Variants in PSMA6 observed in about 807,000 individuals in gnomAD.
The protein encoded by PSMA6 is proteasome subunit alpha type-6.
For synonymous variants in PSMA6, 88 were observed against 97.7 expected (o/e 0.90, Z 0.59); for missense variants, 170 against 294.8 (o/e 0.58, Z 3.10).
chr14:35,285,725 G>T (rs2051415706), intron 1 of PSMA6, among the ~76,000 whole-genome samples: 1 of 152,244 alleles, frequency 6.6e-6, no homozygotes, highest in African/African-American at 2.4e-5. Context: ...AGCTGAGGGT[G>T]GGGGTGGGGA....
chr14:35,308,223 AC>A, intron 2 of PSMA6, 135 bp downstream of exon 2: 1 of 1,092,078 alleles, frequency 9.2e-7, no homozygotes. Flanking sequence ...GGAGTTCTAG[AC>A]CAGCGTGACC....
At chr14:35,312,225 G>A (rs2051957226) in intron 4 of PSMA6, among the ~76,000 whole-genome samples, 1 of 150,178 alleles carries the variant, frequency 6.7e-6, no homozygotes, top group South Asian at 2.1e-4. Flanking sequence ...AAAAAAGGTT[G>A]GCCAGATGCA....
At chr14:35,280,082 G>A (rs1466465714) in intron 1 of PSMA6, among the ~76,000 whole-genome samples, 2 of 150,394 alleles carry the variant, frequency 1.3e-5, no homozygotes, top group African/African-American at 2.4e-5. Flanking sequence ...CCGAGATCGC[G>A]CCACTACACT....
intron 1 of PSMA6, among the ~76,000 whole-genome samples, chr14:35,305,278 G>A (rs1275828439): frequency 6.6e-6 from 1 of 152,044 alleles, no homozygotes; most frequent in African/African-American, 2.4e-5. Flanking sequence ...AAGGAACTGG[G>A]ACCACAGGTG....
intron 2 of PSMA6, 22 bp from the exon 3 acceptor site, chr14:35,308,892 C>T (rs982528299): frequency 3.3e-6 from 5 of 1,532,990 alleles, no homozygotes; most frequent in Non-Finnish European, 4.5e-6. Context: ...AAAAAATTAT[C>T]TTTGTTTATT....
At chr14:35,280,112 C>G (rs1273272728) in intron 1 of PSMA6, among the ~76,000 whole-genome samples, 1 of 143,196 alleles carries the variant, frequency 7.0e-6, no homozygotes, top group African/African-American at 2.6e-5. Context: ...GCCTGGGCGA[C>G]AGAGCAAGAC....
At chr14:35,282,512 C>T (rs905661011) in intron 1 of PSMA6, among the ~76,000 whole-genome samples, 9 of 152,074 alleles carry the variant, frequency 5.9e-5, no homozygotes, top group African/African-American at 1.9e-4. Context: ...CCACTTATCT[C>T]GGCCTTCCAA....
chr14:35,279,849 G>A (rs2051345859), intron 1 of PSMA6, among the ~76,000 whole-genome samples: 1 of 152,262 alleles, frequency 6.6e-6, no homozygotes, highest in Admixed American at 6.5e-5. Flanking sequence ...TTCGGGCCGG[G>A]CGTGGTGGCT....
chr14:35,287,659 C>T (rs1447504433), upstream of PSMA6, among the ~76,000 whole-genome samples: 1 of 152,160 alleles, frequency 6.6e-6, no homozygotes, highest in Non-Finnish European at 1.5e-5. Context: ...CCAAGACTCA[C>T]GAGATGTCAA....
intron 1 of PSMA6, among the ~76,000 whole-genome samples, chr14:35,306,094 TG>T (rs1041836362): frequency 1.3e-5 from 2 of 151,574 alleles, no homozygotes; most frequent in African/African-American, 4.9e-5. Flanking sequence ...CTGGGTGTGG[TG>T]GTATACACCT....
Position 35,317,373 on chromosome 14 carries a change from A to T in PSMA6, c.*67A>T. ...GTGTGTTTGGTAACAACAAACCAAC[A>T]TCATGGAGGTCCCTGGATTGAAAAA... On this transcript the variant is annotated 3_prime_UTR_variant, in exon 7 of 7. Transcript: ENST00000261479. 7.2e-7 allele frequency: 1 copy of T among 1,382,136 alleles called. No homozygotes were observed. The highest frequency in any genetic ancestry group is 1.0e-6 in the Non-Finnish European group (1 of 972,666). The allele number at this position is 1,382,136 out of a possible 1,614,324, so 85.6% of individuals were successfully genotyped here. A position where few individuals can be genotyped will look rare whatever the true frequency, so the allele number is the denominator to read the frequency against.
At chr14:35,284,019 G>A (rs1194985391) in intron 1 of PSMA6, among the ~76,000 whole-genome samples, 1 of 152,058 alleles carries the variant, frequency 6.6e-6, no homozygotes, top group Non-Finnish European at 1.5e-5. Context: ...ACAGCTACAA[G>A]GTTTATCTTC....
intron 1 of PSMA6, among the ~76,000 whole-genome samples, chr14:35,297,094 G>A (rs2051605169): frequency 8.2e-6 from 1 of 121,820 alleles, no homozygotes; most frequent in Non-Finnish European, 1.6e-5. Flanking sequence ...AAGCAAATAA[G>A]TAGCTTCAAA....
upstream of PSMA6, among the ~76,000 whole-genome samples, chr14:35,291,632 T>C (rs540615647): frequency 2.6e-5 from 4 of 151,998 alleles, no homozygotes; most frequent in Admixed American, 6.5e-5. Flanking sequence ...GAGAGCTGCC[T>C]GACCAACATG....
At chr14:35,286,931 A>G (rs566244544) in intron 1 of PSMA6, among the ~76,000 whole-genome samples, 1 of 152,208 alleles carries the variant, frequency 6.6e-6, no homozygotes, top group African/African-American at 2.4e-5. Context: ...AGGGCTTATG[A>G]GAAGCATAAC....
At chr14:35,311,348 TG>T (rs2051941379) in intron 4 of PSMA6, among the ~76,000 whole-genome samples, 1 of 152,190 alleles carries the variant, frequency 6.6e-6, no homozygotes, top group Non-Finnish European at 1.5e-5. Context: ...AAAATTGTAT[TG>T]GGAGAGGGAT....
chr14:35,307,015 G>A (rs542627452), intron 1 of PSMA6, among the ~76,000 whole-genome samples: 1 of 152,212 alleles, frequency 6.6e-6, no homozygotes, highest in East Asian at 1.9e-4. Flanking sequence ...GGGCATGGTG[G>A]TGTGCACCTG....
intron 6 of PSMA6, chr14:35,316,032 G>C (rs1354688183): frequency 6.6e-6 from 1 of 152,130 alleles, no homozygotes; most frequent in African/African-American, 2.4e-5. Flanking sequence ...AGTAGTAATA[G>C]GTCACATTAA....
At chr14:35,312,398 T>C (rs888178262) in intron 4 of PSMA6, among the ~76,000 whole-genome samples, 2 of 149,054 alleles carry the variant, frequency 1.3e-5, no homozygotes, top group African/African-American at 5.0e-5. Flanking sequence ...TCCCAGCTAC[T>C]CGGGAGGCTG....
Sources: allele counts gnomAD v4.1 joint callset (sites outside exome capture counted in the v4.1 genomes callset), GRCh38; gene constraint gnomAD v4.1.1; transcripts MANE v1.5; gene names NCBI Gene and HGNC (gene_info 2026-07-23, HGNC 2026-07-21).